TACR1: variants seen among roughly 807,000 people sequenced by gnomAD.
TACR1 encodes the protein substance-P receptor.
TACR1 carries 25 observed loss-of-function variants against 35.8 expected under a neutral mutation model. The ratio of observed to expected loss-of-function variants is 0.70; its 90% confidence interval spans 0.51 to 0.98. The LOEUF is 0.98. Ranked by LOEUF, TACR1 falls within the 50% of genes least tolerant of loss-of-function variation. The probability of loss-of-function intolerance (pLI) is 0.00; values close to 1 mark genes in which losing one functional copy is unlikely to be tolerated. For missense variants in TACR1, 478 were observed against 522.9 expected (o/e 0.91, Z 0.84); for synonymous variants, 195 against 206.7 (o/e 0.94, Z 0.48).
intron 2 of TACR1, among the ~76,000 whole-genome samples, chr2:75,090,484 A>G (rs1673287231): frequency 6.6e-6 from 1 of 152,212 alleles, no homozygotes; most frequent in Non-Finnish European, 1.5e-5. Flanking sequence ...TTTGGTCTCC[A>G]CAACCTCTTA....
At position 75,049,615 on chromosome 2, in the gene TACR1, A is replaced by G; in HGVS notation, c.1041T>C (p.Ser347=). Residue 347 remains serine, a synonymous_variant, in exon 5 of 5, where the codon AGT becomes AGC. Transcript: ENST00000305249. ...TCTCCAGGCGGCTGACTTTGTACAC[A>G]CTGCCCTGGGTCTGGAGATACCGGG... ...KSTRYLQTQG[S]VYKVSRLETT... 1 of 1,614,132 alleles carries G rather than the reference A, an allele frequency of 6.2e-7. No individual in the cohort carries two copies.
chr2:75,152,215 A>T (rs1405091059), intron 1 of TACR1, among the ~76,000 whole-genome samples: 1 of 152,142 alleles, frequency 6.6e-6, no homozygotes, highest in African/African-American at 2.4e-5. Context: ...AAATGTGAGA[A>T]CATGAGATCT....
chr2:75,080,651 C>G (rs1673070403), intron 2 of TACR1, among the ~76,000 whole-genome samples: 1 of 152,142 alleles, frequency 6.6e-6, no homozygotes, highest in African/African-American at 2.4e-5. Flanking sequence ...TTCTATTCAC[C>G]AATCTCATGA....
In TACR1 at chr2:75,070,220, T is replaced by C. The variant is rs1672850707; in HGVS notation, c.585-16465A>G. On this transcript the variant is annotated intron_variant, in intron 2 of 4. Coordinates refer to ENST00000305249, the MANE Select transcript of TACR1 (RefSeq NM_001058.4). ...TGACCTACCCCCAACATTGTATGTA[T>C]GTGTGTGTGTGTATGTGTGTGTGTG... Among the ~76,000 whole-genome samples, 3 of 89,438 alleles carry C rather than the reference T, an allele frequency of 3.4e-5. No homozygotes were observed. In the Admixed American group the frequency reaches 4.3e-4, roughly 13 times the overall value. 58.7% of individuals were successfully genotyped at this position (89,438 alleles called of 152,430 possible). A position where few individuals can be genotyped will look rare whatever the true frequency, so the allele number is the denominator to read the frequency against.
At chr2:75,101,892 C>T (rs992566970) in intron 2 of TACR1, among the ~76,000 whole-genome samples, 10 of 151,906 alleles carry the variant, frequency 6.6e-5, no homozygotes, top group South Asian at 2.1e-4. Context: ...TGCAGTGAAC[C>T]GAGATCGTGC....
intron 1 of TACR1, chr2:75,189,863 A>G (rs539048259): frequency 6.6e-6 from 1 of 152,364 alleles, no homozygotes; most frequent in East Asian, 1.9e-4. Context: ...AATCAAGTTT[A>G]TAAATACTGT....
chr2:75,084,808 T>A (rs1295368270), intron 2 of TACR1, among the ~76,000 whole-genome samples: 1 of 152,226 alleles, frequency 6.6e-6, no homozygotes, highest in Non-Finnish European at 1.5e-5. Context: ...TCTATTTGAT[T>A]CTTCTCTCTT....
At chr2:75,121,735 A>AT (rs926244513) in intron 1 of TACR1, among the ~76,000 whole-genome samples, 8 of 152,334 alleles carry the variant, frequency 5.3e-5, no homozygotes, top group African/African-American at 1.9e-4. Context: ...TAAAATAAGC[A>AT]TTTTTTAAAA....
intron 2 of TACR1, among the ~76,000 whole-genome samples, chr2:75,104,847 A>T (rs1448911197): frequency 6.6e-6 from 1 of 152,120 alleles, no homozygotes; most frequent in African/African-American, 2.4e-5. Context: ...ATCAGCTCAG[A>T]ACTGTTATGA....
chr2:75,094,859 A>ATATATATATATATATTTTT, intron 2 of TACR1, among the ~76,000 whole-genome samples: 5 of 113,104 alleles, frequency 4.4e-5, no homozygotes, highest in African/African-American at 2.4e-4. Context: ...ATATATATAT[A>ATATATATATATATATTTTT]TTTTTTTTTT....
chr2:75,199,239 A>G lies in TACR1; in HGVS notation c.-305T>C. 1 of 337,742 alleles carries G rather than the reference A, an allele frequency of 3.0e-6. No individual in the cohort carries two copies. Among genetic ancestry groups the G allele is most frequent in the Non-Finnish European group, 5.5e-6 (1 of 181,298 alleles). 20.9% of individuals were successfully genotyped at this position (337,742 alleles called of 1,614,324 possible). A position where few individuals can be genotyped will look rare whatever the true frequency, so the allele number is the denominator to read the frequency against. Reference sequence around the variant, plus strand: ...AAACTGAAAAAGGGAAAGAAATTCCACCGGTCACAGTTCTAGGAAGCAAGA... The same window carrying G: ...AAACTGAAAAAGGGAAAGAAATTCCGCCGGTCACAGTTCTAGGAAGCAAGA... On this transcript the variant is annotated 5_prime_UTR_variant, in exon 1 of 5. Coordinates refer to ENST00000305249, the MANE Select transcript of TACR1 (RefSeq NM_001058.4).
intron 1 of TACR1, among the ~76,000 whole-genome samples, chr2:75,169,723 G>T (rs1675230387): frequency 6.6e-6 from 1 of 152,138 alleles, no homozygotes; most frequent in Non-Finnish European, 1.5e-5. Context: ...AGTAGATTCT[G>T]CTCAGGAAAG....
At chr2:75,161,895 A>T (rs182605878) in intron 1 of TACR1, among the ~76,000 whole-genome samples, 1 of 152,264 alleles carries the variant, frequency 6.6e-6, no homozygotes, top group Admixed American at 6.5e-5. Flanking sequence ...ATATCTTCTC[A>T]TCAGTTCTGT....
intron 1 of TACR1, among the ~76,000 whole-genome samples, chr2:75,170,619 A>G (rs1675254401): frequency 6.6e-6 from 1 of 152,182 alleles, no homozygotes; most frequent in South Asian, 2.1e-4. Context: ...GACTTGTTGA[A>G]TGGCTTTGAC....
chr2:75,117,165 G>A (rs1195049015), intron 2 of TACR1, among the ~76,000 whole-genome samples: 2 of 140,690 alleles, frequency 1.4e-5, no homozygotes, highest in African/African-American at 5.4e-5. Flanking sequence ...GTGTGTGTGT[G>A]TGAAGCCCAT....
chr2:75,191,004 A>G (rs1675830129), intron 1 of TACR1, among the ~76,000 whole-genome samples: 1 of 152,212 alleles, frequency 6.6e-6, no homozygotes, highest in Non-Finnish European at 1.5e-5. Flanking sequence ...TGAGCAGTTC[A>G]TATGTAGCAT....
intron 1 of TACR1, among the ~76,000 whole-genome samples, chr2:75,148,581 T>C (rs1457324826): frequency 2.0e-5 from 3 of 152,240 alleles, no homozygotes; most frequent in Non-Finnish European, 4.4e-5. Context: ...TGTTTTTTTC[T>C]TGTAAATCTG....
At chr2:75,117,917 T>C (rs1176283705) in intron 2 of TACR1, among the ~76,000 whole-genome samples, 1 of 152,234 alleles carries the variant, frequency 6.6e-6, no homozygotes, top group Non-Finnish European at 1.5e-5. Context: ...CATTGTAAAG[T>C]TGAAAAATCG....
At chr2:75,061,547 C>T (rs1220548208) in intron 2 of TACR1, among the ~76,000 whole-genome samples, 1 of 152,106 alleles carries the variant, frequency 6.6e-6, no homozygotes, top group Non-Finnish European at 1.5e-5. Flanking sequence ...GACACATCAC[C>T]CAGTCTTCCC....
Sources: gnomAD v4.1 joint callset for allele counts (sites outside exome capture counted in the v4.1 genomes callset) on GRCh38, gnomAD v4.1.1 for gene constraint, MANE v1.5 for transcripts, NCBI Gene and HGNC (gene_info 2026-07-23, HGNC 2026-07-21) for gene names.